The following TAFA1 variants were observed in gnomAD, a reference collection of about 807,000 sequenced individuals.
TAFA1 encodes chemokine-like protein TAFA-1.
TAFA1 carries 4 observed loss-of-function variants against 18.5 expected under a neutral mutation model. The observed-to-expected ratio is 0.22, with a 90% CI of 0.11 to 0.49. The LOEUF is 0.49. TAFA1 is among the 20% of genes least tolerant of loss of function. The probability of loss-of-function intolerance (pLI) is 0.98; values close to 1 mark genes in which losing one functional copy is unlikely to be tolerated. For synonymous variants in TAFA1, 56 were observed against 55.2 expected (o/e 1.01, Z -0.06); for missense variants, 147 against 169.0 (o/e 0.87, Z 0.72).
intron 3 of TAFA1, among the ~76,000 whole-genome samples, chr3:68,418,277 G>A (rs2070881264): frequency 6.6e-6 from 1 of 152,050 alleles, no homozygotes; most frequent in South Asian, 2.1e-4. Flanking sequence ...CGTTTTATAG[G>A]ATTTGGGTAG....
In TAFA1 at chr3:68,507,240, T is replaced by C. The variant is rs1448348180; in HGVS notation, c.260-31516T>C. Among the ~76,000 whole-genome samples, 4 of 152,074 alleles carry C rather than the reference T, an allele frequency of 2.6e-5. No individual in the cohort carries two copies. The East Asian group carries it at 7.8e-4, about 29-fold the overall frequency. On this transcript the variant is annotated intron_variant, in intron 3 of 4. Coordinates refer to ENST00000478136, the MANE Select transcript of TAFA1 (RefSeq NM_213609.4). ...TTACCATAGAGCCACCACTGGGCCC[T>C]AAAACTAAACTAAAGATGAAATTAT...
chr3:68,116,990 T>C (rs1037452976), intron 2 of TAFA1, among the ~76,000 whole-genome samples: 1 of 152,228 alleles, frequency 6.6e-6, no homozygotes, highest in Non-Finnish European at 1.5e-5. Context: ...AACCACGTGC[T>C]GATCTCTGAT....
At chr3:68,116,368 TATAA>T (rs1434184287) in intron 2 of TAFA1, among the ~76,000 whole-genome samples, 1 of 152,214 alleles carries the variant, frequency 6.6e-6, no homozygotes, top group Non-Finnish European at 1.5e-5. Context: ...GGCTTTCTTA[TATAA>T]ATAAAGTGTA....
chr3:68,134,882 T>C (rs2065588161), intron 2 of TAFA1, among the ~76,000 whole-genome samples: 1 of 152,226 alleles, frequency 6.6e-6, no homozygotes, highest in Non-Finnish European at 1.5e-5. Context: ...TTTGGCTTCA[T>C]TTAAAAGAAA....
intron 2 of TAFA1, among the ~76,000 whole-genome samples, chr3:68,314,163 AAAATCTTTAGGAGGAAACTAC>A (rs886327856): frequency 6.6e-6 from 1 of 152,146 alleles, no homozygotes; most frequent in African/African-American, 2.4e-5. Context: ...TAGTCTATGA[AAAATCTTTAGGAGGAAACTAC>A]CCTTTGTATT....
chr3:68,086,372 T>A (rs1029033069), intron 2 of TAFA1, among the ~76,000 whole-genome samples: 2 of 152,222 alleles, frequency 1.3e-5, no homozygotes, highest in African/African-American at 4.8e-5. Context: ...TGGGCAGTCC[T>A]TTACAATTTG....
At chr3:68,177,234 C>T (rs1446934686) in intron 2 of TAFA1, among the ~76,000 whole-genome samples, 2 of 152,182 alleles carry the variant, frequency 1.3e-5, no homozygotes, top group African/African-American at 4.8e-5. Context: ...GCCAAGTAGA[C>T]ACCAAGGCAT....
intron 2 of TAFA1, among the ~76,000 whole-genome samples, chr3:68,106,826 T>A (rs569572854): frequency 6.6e-6 from 1 of 152,152 alleles, no homozygotes; most frequent in Admixed American, 6.6e-5. Flanking sequence ...CAAGAAAAAG[T>A]GTTCAACATC....
chr3:68,500,552 C>T (rs1396467169), intron 3 of TAFA1, among the ~76,000 whole-genome samples: 3 of 152,022 alleles, frequency 2.0e-5, no homozygotes, highest in Non-Finnish European at 4.4e-5. Context: ...TCTGGTCCAC[C>T]ACTAGTTTTT....
intron 2 of TAFA1, among the ~76,000 whole-genome samples, chr3:68,118,015 G>A (rs912040755): frequency 1.3e-5 from 2 of 152,132 alleles, no homozygotes; most frequent in African/African-American, 4.8e-5. Flanking sequence ...AACTGGTTTT[G>A]TTGAAAACAA....
chr3:68,516,952 T>G (rs2072930324), intron 3 of TAFA1, among the ~76,000 whole-genome samples: 1 of 152,212 alleles, frequency 6.6e-6, no homozygotes, highest in Non-Finnish European at 1.5e-5. Flanking sequence ...TTTTGTATTT[T>G]TAATAGAGAT....
intron 2 of TAFA1, among the ~76,000 whole-genome samples, chr3:68,177,451 T>C (rs936229490): frequency 2.0e-5 from 3 of 152,188 alleles, no homozygotes; most frequent in Non-Finnish European, 4.4e-5. Context: ...ACTACCTTGC[T>C]CTTTTGAAGA....
intron 2 of TAFA1, among the ~76,000 whole-genome samples, chr3:68,289,310 T>C (rs1339545605): frequency 6.6e-6 from 1 of 152,228 alleles, no homozygotes; most frequent in Non-Finnish European, 1.5e-5. Flanking sequence ...TGCTCCATTT[T>C]AATGTGGTCC....
chr3:68,138,661 C>T (rs1649112550), intron 2 of TAFA1, among the ~76,000 whole-genome samples: 1 of 152,196 alleles, frequency 6.6e-6, no homozygotes, highest in Admixed American at 6.5e-5. Context: ...TATTTACTAT[C>T]TTGGCCTCTG....
At chr3:68,072,789 T>C (rs553408305) in intron 2 of TAFA1, among the ~76,000 whole-genome samples, 91 of 152,254 alleles carry the variant, frequency 6.0e-4, no homozygotes, top group African/African-American at 2.0e-3. Context: ...CTACTGGCAG[T>C]TGGACATTAT....
rs1201831333 is a variant in TAFA1 at position 68,545,023 on chromosome 3, G to A, written c.*520G>A. On this transcript the variant is annotated 3_prime_UTR_variant, in exon 5 of 5. Transcript: ENST00000478136. ...CACTGACACGGGAAGGCCAGCTACA[G>A]GTGGACTCCTGGAATTTGAGGCATC... is the stretch of plus-strand genomic sequence containing the variant. The A allele has an allele frequency of 6.6e-6, 1 of 152,446 alleles. No individual in the cohort carries two copies. The highest frequency in any genetic ancestry group is 1.5e-5 in the Non-Finnish European group (1 of 68,030). The allele number at this position is 152,446 out of a possible 1,614,324, so 9.4% of individuals were successfully genotyped here.
chr3:68,104,032 A>G (rs1323154543), intron 2 of TAFA1, among the ~76,000 whole-genome samples: 4 of 152,064 alleles, frequency 2.6e-5, no homozygotes, highest in South Asian at 4.1e-4. Context: ...CTCATCCTTT[A>G]TGTGTCTCCA....
Position 68,498,721 on chromosome 3 carries a change from G to GTTTTTTTTTTTTTTTTTT in TAFA1, c.260-40035_260-40034insTTTTTTTTTTTTTTTTTT, listed in dbSNP as rs1559694779. On this transcript the variant is annotated intron_variant, in intron 3 of 4. Transcript: ENST00000478136. ...AAATTCCTCCCAAAGCCGTTTGGTG[G>GTTTTTTTTTTTTTTTTTT]CTTTTTTTTTTTTTTTTTTTTTTTT... is the stretch of plus-strand genomic sequence containing the variant. 2.9e-5 allele frequency among the ~76,000 whole-genome samples: 3 copies of GTTTTTTTTTTTTTTTTTT among 101,722 alleles called. 1 individual carries two copies. Among genetic ancestry groups the GTTTTTTTTTTTTTTTTTT allele is most frequent in the African/African-American group, 5.3e-5 (1 of 18,834 alleles). 66.7% of individuals were successfully genotyped at this position (101,722 alleles called of 152,430 possible). A position where few individuals can be genotyped will look rare whatever the true frequency, so the allele number is the denominator to read the frequency against.
At chr3:68,316,078 G>A (rs2068600980) in intron 2 of TAFA1, among the ~76,000 whole-genome samples, 1 of 152,204 alleles carries the variant, frequency 6.6e-6, no homozygotes, top group Non-Finnish European at 1.5e-5. Flanking sequence ...ATGTGTGCAT[G>A]ATAAAAAGTT....
Sources: allele counts gnomAD v4.1 joint callset (sites outside exome capture counted in the v4.1 genomes callset), GRCh38; gene constraint gnomAD v4.1.1; transcripts MANE v1.5; gene names NCBI Gene and HGNC (gene_info 2026-07-23, HGNC 2026-07-21).